DACH2: variants seen among roughly 807,000 people sequenced by gnomAD.
DACH2 encodes the protein dachshund homolog 2.
A neutral mutation model predicts 35.8 loss-of-function variants in DACH2; 17 were observed. The observed-to-expected ratio is 0.48, with a 90% CI of 0.33 to 0.71. The LOEUF is 0.71. Among genes scored for constraint, DACH2 ranks in the 30% least tolerant of loss-of-function variants. The pLI is 0.02. For missense variants in DACH2, 469 were observed against 472.7 expected, an observed-to-expected ratio of 0.99 and a Z score of 0.07; for synonymous variants, 195 against 177.3, an observed-to-expected ratio of 1.10 and a Z score of -0.79.
At chrX:86,602,350 G>A (rs2039800540) in intron 3 of DACH2, among the ~76,000 whole-genome samples, 1 of 112,273 alleles carries the variant, frequency 8.9e-6, no homozygotes, top group African/African-American at 3.2e-5. Flanking sequence ...ATTGTAAGTT[G>A]TGGATGAATA....
intron 2 of DACH2, among the ~76,000 whole-genome samples, chrX:86,409,419 G>T: frequency 9.0e-6 from 1 of 111,488 alleles, no homozygotes; most frequent in Non-Finnish European, 1.9e-5. Flanking sequence ...GGCCTGGTAG[G>T]AAGTGATTGG....
intron 1 of DACH2, among the ~76,000 whole-genome samples, chrX:86,361,994 G>A (rs1208017326): frequency 9.0e-6 from 1 of 110,953 alleles, no homozygotes; most frequent in Non-Finnish European, 1.9e-5. Flanking sequence ...TTATTAAATA[G>A]TAAAATTTCA....
intron 2 of DACH2, among the ~76,000 whole-genome samples, chrX:86,433,198 G>T (rs905090873): frequency 6.3e-5 from 7 of 111,704 alleles, no homozygotes; most frequent in African/African-American, 6.5e-5. Context: ...CTACAAAGAT[G>T]ATACAAAAAG....
chrX:86,622,891 G>A (rs1377623017), intron 3 of DACH2, among the ~76,000 whole-genome samples: 1 of 111,189 alleles, frequency 9.0e-6, no homozygotes, highest in Non-Finnish European at 1.9e-5. Context: ...GATTACAGTT[G>A]AATTAAAAAG....
intron 3 of DACH2, among the ~76,000 whole-genome samples, chrX:86,537,848 A>G (rs1200287935): frequency 9.0e-6 from 1 of 111,447 alleles, no homozygotes; most frequent in Admixed American, 9.6e-5. Flanking sequence ...AAGAATCACA[A>G]AAGAAGTGAA....
At chrX:86,702,925 A>G (rs189858786) in intron 5 of DACH2, among the ~76,000 whole-genome samples, 2 of 111,425 alleles carry the variant, frequency 1.8e-5, no homozygotes, top group East Asian at 2.8e-4. Context: ...CTATGAAGCC[A>G]GTATCACCTT....
intron 4 of DACH2, among the ~76,000 whole-genome samples, chrX:86,668,879 T>G (rs2040730717): frequency 8.9e-6 from 1 of 111,754 alleles, no homozygotes; most frequent in African/African-American, 3.2e-5. Flanking sequence ...CTCTGAATAT[T>G]ATTGCAAAGA....
At chrX:86,546,419 T>TCTTCTTCC in intron 3 of DACH2, among the ~76,000 whole-genome samples, 1 of 68,947 alleles carries the variant, frequency 1.5e-5, no homozygotes, top group Non-Finnish European at 2.7e-5. Flanking sequence ...TTCTTCTTCT[T>TCTTCTTCC]TCTTCTTCTT....
Position 86,309,743 on chromosome X carries a change from C to G in DACH2, c.489-67081C>G, listed in dbSNP as rs535380262. ...AGAGAATAAATTGCTGTATTTGACC[C>G]TCCTACAACCAAGAAAGAGGCACAA... On this transcript the variant is annotated intron_variant, in intron 1 of 11. Coordinates refer to ENST00000373125, the MANE Select transcript of DACH2 (RefSeq NM_053281.3). Among the ~76,000 whole-genome samples the G allele has an allele frequency of 8.0e-5, 9 of 112,214 alleles. No individual in the cohort carries two copies. The South Asian group carries it at 3.3e-3, about 42-fold the overall frequency.
At chrX:86,770,748 C>A (rs947382966) in intron 7 of DACH2, among the ~76,000 whole-genome samples, 1 of 111,819 alleles carries the variant, frequency 8.9e-6, no homozygotes, top group African/African-American at 3.2e-5. Context: ...TGTTGTGAGG[C>A]CTTTGTATAT....
intron 1 of DACH2, among the ~76,000 whole-genome samples, chrX:86,194,038 C>T (rs2031907501): frequency 9.1e-6 from 1 of 110,185 alleles, no homozygotes; most frequent in South Asian, 3.8e-4. Context: ...CACTAGTAAC[C>T]TCTCTATATA....
At chrX:86,656,857 G>GTGTGTGTGTATATATATA (rs1333268452) in intron 4 of DACH2, among the ~76,000 whole-genome samples, 3 of 66,772 alleles carry the variant, frequency 4.5e-5, no homozygotes, top group African/African-American at 1.4e-4. Context: ...GTGTGTGTGT[G>GTGTGTGTGTATATATATA]TATATATATA....
rs1017245102 is a variant in DACH2, at chrX:86,534,761, A to G, written c.640+20370A>G. 2.7e-5 allele frequency among the ~76,000 whole-genome samples: 3 copies of G among 111,043 alleles called. No individual in the cohort carries two copies. The East Asian group carries it at 8.4e-4, about 31-fold the overall frequency. ...TGTATGCTTTTGGTTTTATTATTGT[A>G]TGTCTTTTTACTTTAGGATTGTATA... On this transcript the variant is annotated intron_variant, in intron 3 of 11. Coordinates refer to ENST00000373125, the MANE Select transcript of DACH2 (RefSeq NM_053281.3).
chrX:86,549,662 T>C (rs1007623805), intron 3 of DACH2, among the ~76,000 whole-genome samples: 10 of 110,882 alleles, frequency 9.0e-5, no homozygotes, highest in Admixed American at 1.9e-4. Context: ...TTTTTGTACC[T>C]GGAAAATCAC....
At chrX:86,251,225 T>C (rs1262586027) in intron 1 of DACH2, among the ~76,000 whole-genome samples, 1 of 111,588 alleles carries the variant, frequency 9.0e-6, no homozygotes, top group Admixed American at 9.6e-5. Flanking sequence ...GAAATCTCCA[T>C]GGTTTCATGG....
chrX:86,309,435 A>G (rs1239363888), intron 1 of DACH2, among the ~76,000 whole-genome samples: 1 of 111,235 alleles, frequency 9.0e-6, no homozygotes, highest in Non-Finnish European at 1.9e-5. Context: ...GGACAGCAAT[A>G]TACCTTTACT....
At chrX:86,737,155 T>G (rs2041605038) in intron 6 of DACH2, among the ~76,000 whole-genome samples, 1 of 112,000 alleles carries the variant, frequency 8.9e-6, no homozygotes, top group Non-Finnish European at 1.9e-5. Flanking sequence ...AAGGGCTGTA[T>G]GGATATTGCT....
chrX:86,450,555 T>G (rs1483888726), intron 2 of DACH2, among the ~76,000 whole-genome samples: 2 of 111,138 alleles, frequency 1.8e-5, no homozygotes, highest in African/African-American at 6.5e-5. Context: ...ATCCTTATGA[T>G]AGAAGGATTT....
intron 2 of DACH2, among the ~76,000 whole-genome samples, chrX:86,391,352 T>C (rs2036200593): frequency 9.9e-6 from 1 of 101,044 alleles, no homozygotes. Flanking sequence ...CAGTCACTTA[T>C]TTGATTGAAC....
Sources: gnomAD v4.1 joint callset for allele counts (sites outside exome capture counted in the v4.1 genomes callset) on GRCh38, gnomAD v4.1.1 for gene constraint, MANE v1.5 for transcripts, NCBI Gene and HGNC (gene_info 2026-07-23, HGNC 2026-07-21) for gene names.